Variants in LSAMP observed in about 807,000 individuals in gnomAD.
LSAMP encodes the protein limbic system associated membrane protein, also known as limbic system-associated membrane protein.
In LSAMP, 7 loss-of-function variants were observed where a neutral mutation model predicts 38.6. The ratio of observed to expected loss-of-function variants is 0.18; its 90% CI spans 0.10 to 0.34. LSAMP has a LOEUF of 0.34. LSAMP is among the 10% of genes least tolerant of loss of function. The pLI, the probability that LSAMP is intolerant of heterozygous loss-of-function variation, is 1.00. For missense variants in LSAMP, 313 were observed against 420.0 expected (o/e 0.75, Z 2.23); for synonymous variants, 154 against 166.8 (o/e 0.92, Z 0.59).
chr3:116,356,997 G>C (rs1349283812), intron 1 of LSAMP, among the ~76,000 whole-genome samples: 1 of 152,102 alleles, frequency 6.6e-6, no homozygotes, highest in African/African-American at 2.4e-5. Flanking sequence ...GTTTCACCGT[G>C]TTAGCCAGGA....
At chr3:116,117,529 T>A (rs1019306125) in intron 1 of LSAMP, among the ~76,000 whole-genome samples, 2 of 152,214 alleles carry the variant, frequency 1.3e-5, no homozygotes, top group African/African-American at 2.4e-5. Context: ...TACATTTTCA[T>A]AATATTTTAC....
At chr3:115,880,195 A>G (rs2944425) in intron 3 of LSAMP, among the ~76,000 whole-genome samples, 97,358 of 151,812 alleles carry the variant, frequency 0.64, 31,306 homozygotes, top group Middle Eastern at 0.76. Flanking sequence ...GATCCAAGAG[A>G]GAAAAATGAC....
At chr3:115,816,281 C>T (rs555921871) in intron 6 of LSAMP, among the ~76,000 whole-genome samples, 99 of 152,218 alleles carry the variant, frequency 6.5e-4, no homozygotes, top group Middle Eastern at 3.4e-3. Context: ...TGTCACTGGG[C>T]AGTGAGCATT....
At chr3:116,084,455 C>CAAAA (rs57753152) in intron 2 of LSAMP, among the ~76,000 whole-genome samples, 1 of 102,388 alleles carries the variant, frequency 9.8e-6, no homozygotes, top group Non-Finnish European at 2.2e-5. Flanking sequence ...AAAATCATGG[C>CAAAA]AAAAAAAAAA....
At chr3:116,112,094 G>A (rs1365124796) in intron 1 of LSAMP, among the ~76,000 whole-genome samples, 1 of 152,222 alleles carries the variant, frequency 6.6e-6, no homozygotes, top group African/African-American at 2.4e-5. Flanking sequence ...CAAGGGTAAA[G>A]CTTCTTAGCT....
chr3:116,197,163 A>ACACACACACACACACACACACT (rs1268040540), intron 1 of LSAMP, among the ~76,000 whole-genome samples: 4 of 139,088 alleles, frequency 2.9e-5, no homozygotes, highest in African/African-American at 5.2e-5. Context: ...ACACACACAC[A>ACACACACACACACACACACACT]CTCTCTCTCT....
intron 1 of LSAMP, among the ~76,000 whole-genome samples, chr3:116,199,298 T>G (rs1373897738): frequency 2.0e-5 from 3 of 152,158 alleles, no homozygotes; most frequent in African/African-American, 7.2e-5. Context: ...TAAAACTCAG[T>G]TCAGTTAACA....
At chr3:116,224,335 T>A (rs1301104593) in intron 1 of LSAMP, among the ~76,000 whole-genome samples, 1 of 152,196 alleles carries the variant, frequency 6.6e-6, no homozygotes, top group Non-Finnish European at 1.5e-5. Context: ...GCATAACACA[T>A]CCAAGAAACA....
At chr3:116,146,957 A>C (rs1050131328) in intron 1 of LSAMP, among the ~76,000 whole-genome samples, 2 of 151,932 alleles carry the variant, frequency 1.3e-5, no homozygotes, top group Non-Finnish European at 2.9e-5. Context: ...AAACAAAATG[A>C]GCAAGATGAC....
rs142639436 is a variant in LSAMP, at chr3:116,358,621, G to T, written c.155+86256C>A. 9.4e-4 allele frequency among the ~76,000 whole-genome samples: 143 copies of T among 152,030 alleles called. 3 individuals carry two copies. In the East Asian group the frequency reaches 0.025, roughly 26 times the overall value. ...CTAGAGTTTAATAATAAAATCCACC[G>T]ATCGAAATGCTTTTTTCACTTTAAT... On this transcript the variant is annotated intron_variant, in intron 1 of 6. Transcript: ENST00000490035.
At chr3:116,301,781 T>G (rs919620474) in intron 1 of LSAMP, among the ~76,000 whole-genome samples, 1 of 151,512 alleles carries the variant, frequency 6.6e-6, no homozygotes, top group Admixed American at 6.6e-5. Flanking sequence ...TTAAAACTTA[T>G]AAAGATAATA....
At chr3:115,879,816 G>A (rs1936277283) in intron 3 of LSAMP, among the ~76,000 whole-genome samples, 1 of 152,072 alleles carries the variant, frequency 6.6e-6, no homozygotes, top group East Asian at 1.9e-4. Context: ...TAAGCCCTGG[G>A]TACTACAAAT....
chr3:116,399,029 T>C (rs2048806401), intron 1 of LSAMP, among the ~76,000 whole-genome samples: 1 of 152,114 alleles, frequency 6.6e-6, no homozygotes, highest in Non-Finnish European at 1.5e-5. Flanking sequence ...AACTTGCACA[T>C]TGAAAGGCAT....
intron 3 of LSAMP, among the ~76,000 whole-genome samples, chr3:116,013,666 A>G (rs1940394004): frequency 6.6e-6 from 1 of 152,180 alleles, no homozygotes; most frequent in South Asian, 2.1e-4. Flanking sequence ...CACTGAAAAT[A>G]AAATATAGCA....
At chr3:116,216,673 G>A (rs988423209) in intron 1 of LSAMP, among the ~76,000 whole-genome samples, 1 of 151,926 alleles carries the variant, frequency 6.6e-6, no homozygotes, top group Admixed American at 6.6e-5. Flanking sequence ...AATTAGATGT[G>A]AATAGTGAAA....
At chr3:116,134,159 TAAAC>T (rs1440514064) in intron 1 of LSAMP, among the ~76,000 whole-genome samples, 1 of 152,174 alleles carries the variant, frequency 6.6e-6, no homozygotes, top group Admixed American at 6.5e-5. Context: ...ATTTCTCAAA[TAAAC>T]TATTTTCAAG....
chr3:115,838,541 TC>T (rs1934872522), intron 6 of LSAMP, among the ~76,000 whole-genome samples: 7 of 152,182 alleles, frequency 4.6e-5, no homozygotes. Context: ...ATTAATGTAT[TC>T]AAAACTTTAA....
rs546116867 is a variant in LSAMP at position 116,108,004 on chromosome 3, G to A, written c.156-21448C>T. Among the ~76,000 whole-genome samples, 379 of 152,282 alleles carry A rather than the reference G, an allele frequency of 2.5e-3. 1 individual carries two copies. Among genetic ancestry groups the A allele is most frequent in the African/African-American group, 8.7e-3 (361 of 41,554 alleles). ...TTTATAGGCTTTAAAAGGCCATGCT[G>A]TAGCAGGCGAGTGATAACAGGCTTT... On this transcript the variant is annotated intron_variant, in intron 1 of 6. Transcript: ENST00000490035.
chr3:116,368,420 A>T (rs190503871), intron 1 of LSAMP: 1 of 152,302 alleles, frequency 6.6e-6, no homozygotes, highest in African/African-American at 2.4e-5. Flanking sequence ...TTTTTTAAGT[A>T]CAGAAAGAGT....
Sources: allele counts gnomAD v4.1 joint callset (sites outside exome capture counted in the v4.1 genomes callset), GRCh38; gene constraint gnomAD v4.1.1; transcripts MANE v1.5; gene names NCBI Gene and HGNC (gene_info 2026-07-23, HGNC 2026-07-21).